ACRBP: variants seen among roughly 807,000 people sequenced by gnomAD.
ACRBP encodes acrosin binding protein, also known as acrosin-binding protein.
In ACRBP, 52 loss-of-function variants were observed where a neutral mutation model predicts 69.0. That is an observed-to-expected ratio of 0.75 (90% confidence interval 0.60 to 0.95). The LOEUF (loss-of-function observed/expected upper bound fraction) is 0.95, where lower values mean the gene tolerates loss of function less well. Among genes scored for constraint, ACRBP ranks in the 40% least tolerant of loss-of-function variants. ACRBP has a pLI of 0.00. For synonymous variants in ACRBP, 267 were observed against 258.9 expected, an observed-to-expected ratio of 1.03 and a Z score of -0.30; for missense variants, 604 against 673.0, an observed-to-expected ratio of 0.90 and a Z score of 1.13.
intron 6 of ACRBP, among the ~76,000 whole-genome samples, chr12:6,641,273 T>C (rs924531102): frequency 1.3e-5 from 2 of 152,190 alleles, no homozygotes; most frequent in Non-Finnish European, 1.5e-5. Flanking sequence ...CAGGAGATCG[T>C]ACTAAGCAGT....
chr12:6,645,171 G>C, intron 4 of ACRBP, 49 bp downstream of exon 4: 1 of 1,421,130 alleles, frequency 7.0e-7, no homozygotes, highest in Non-Finnish European at 9.8e-7. Flanking sequence ...GTGGGCTCTG[G>C]GAGTTGTGGG....
intron 8 of ACRBP, 136 bp from the exon 9 acceptor site, chr12:6,639,173 C>T (rs1949033334): frequency 4.1e-6 from 3 of 728,360 alleles, no homozygotes; most frequent in African/African-American, 1.8e-5. Flanking sequence ...ACAGGCGGCC[C>T]CTCACTCCGC....
intron 8 of ACRBP, among the ~76,000 whole-genome samples, chr12:6,639,814 G>A (rs749825670): frequency 1.3e-5 from 2 of 152,198 alleles, no homozygotes; most frequent in Non-Finnish European, 2.9e-5. Flanking sequence ...GGCAGAGTTG[G>A]GACCAGAACC....
In ACRBP at chr12:6,640,287, C is replaced by A. The variant is rs543415532; in HGVS notation, c.1257+56G>T. On this transcript the variant is annotated intron_variant, in intron 7 of 9. Transcript: ENST00000229243. The surrounding 1 kb of genome is among the most constrained non-coding windows in gnomAD (Gnocchi z 5.3). ...CCTCCCCACCTGCTGGCCACCACCA[C>A]CCCACCCCTGCCACCCAGTTCTGCC... is the stretch of plus-strand genomic sequence containing the variant. 47 of 1,612,478 alleles carry A rather than the reference C, an allele frequency of 2.9e-5. No individual in the cohort carries two copies. Among genetic ancestry groups the A allele is most frequent in the South Asian group, 2.4e-4 (22 of 91,022 alleles).
Position 6,644,503 on chromosome 12 carries a change from G to A in ACRBP, c.578C>T (p.Pro193Leu). ...CACTCCTTGCTCCTGCTTGTGCTCT[G>A]GCGCTTGCTCCTGGCCTCCCAGGGA... ...SLSLGGQEQA[P>L]EHKQEQGVEH... Residue 193 changes from proline to leucine, a missense_variant, in exon 5 of 10, where the codon CCA becomes CTA. Around this residue, in one of 3 missense-constraint regions of ACRBP, gnomAD observed 532 missense variants for 562.9 expected, o/e 0.95. Transcript: ENST00000229243. 1 of 1,613,966 alleles carries A rather than the reference G, an allele frequency of 6.2e-7. No homozygotes were observed. Among genetic ancestry groups the A allele is most frequent in the African/African-American group, 1.3e-5 (1 of 74,946 alleles).
rs747357088 is a variant in ACRBP at position 6,643,669 on chromosome 12, A to C, written c.947T>G (p.Leu316Arg). The C allele has an allele frequency of 2.5e-5, 40 of 1,613,802 alleles. No homozygotes were observed. Among genetic ancestry groups the C allele is most frequent in the Non-Finnish European group, 3.1e-5 (37 of 1,179,848 alleles). ...GGCCTCTGTGTGGGGCAGCTGCAGG[A>C]GGCTGCAAGAAGACAGCACTGAGGG... The part of the protein sequence containing the change: ...SYWRNQNPGS[L>R]LQLPHTEALL... Residue 316 changes from leucine (L) to arginine (R), a missense_variant and splice_region_variant, in exon 6 of 10, where the codon CTC becomes CGC. By Grantham distance (102) the Leu-to-Arg change is moderately radical (BLOSUM62 -2). Transcript: ENST00000229243.
Position 6,643,909 on chromosome 12 carries a change from G to A in ACRBP, c.944+228C>T, listed in dbSNP as rs1271718593. ...GCTAAACAGGGCAGAGACAAGACCA[G>A]AACCCAAGTCTGGTAGCTCCAGGTA... is the stretch of plus-strand genomic sequence containing the variant. On this transcript the variant is annotated intron_variant, in intron 5 of 9. Transcript: ENST00000229243. 3 of 1,044,050 alleles carry A rather than the reference G, an allele frequency of 2.9e-6. No homozygotes were observed. In the South Asian group the frequency reaches 5.3e-5, roughly 18 times the overall value. The allele number at this position is 1,044,050 out of a possible 1,614,324, so 64.7% of individuals were successfully genotyped here. A position where few individuals can be genotyped will look rare whatever the true frequency, so the allele number is the denominator to read the frequency against.
chr12:6,646,277 TCTA>T (rs1351887963), intron 3 of ACRBP, among the ~76,000 whole-genome samples: 1 of 152,118 alleles, frequency 6.6e-6, no homozygotes, highest in Admixed American at 6.6e-5. Flanking sequence ...CAGTCTCTTC[TCTA>T]CTTTTCTTGC....
At chr12:6,639,066 G>A (rs765824351) in intron 8 of ACRBP, 29 bp from the exon 9 acceptor site, 5 of 1,597,488 alleles carry the variant, frequency 3.1e-6, no homozygotes, top group Admixed American at 1.7e-5. Flanking sequence ...AGAGGGAAGA[G>A]GGTATCAGAA....
Position 6,645,258 on chromosome 12 carries a change from G to C in ACRBP, c.437C>G (p.Pro146Arg). ...KEIEASAEVS[P>R]TTMTSPISPH... ...TGAGATGGGGGAGGTCATCGTGGTG[G>C]GTGAGACTTCAGCTGAAGCTTCTAT... The change falls in exon 4 of 10, where the codon CCC becomes CGC. Residue 146 changes from proline to arginine, a missense_variant. Pro to Arg is a moderately radical substitution (Grantham distance 103, BLOSUM62 -2). This residue lies in a region of ACRBP where 532 missense variants were observed against 562.9 expected (regional missense o/e 0.95). Coordinates refer to ENST00000229243, the MANE Select transcript of ACRBP (RefSeq NM_032489.3). 1.2e-6 allele frequency: 2 copies of C among 1,613,784 alleles called. No individual in the cohort carries two copies. Among genetic ancestry groups the C allele is most frequent in the Non-Finnish European group, 1.7e-6 (2 of 1,179,896 alleles).
rs546575477 is a variant in ACRBP, at chr12:6,641,068, G to C, written c.1078-546C>G. Among the ~76,000 whole-genome samples the C allele has an allele frequency of 9.2e-5, 14 of 152,326 alleles. No homozygotes were observed. The East Asian group carries it at 2.7e-3, about 29-fold the overall frequency. On this transcript the variant is annotated intron_variant, in intron 6 of 9. Transcript: ENST00000229243. Reference sequence around the variant, plus strand: ...TGACAAGGAAACTGACTCTCAGTGAGGTTGAGTAAGTTGCTCAAAGCCACT... The same window carrying C: ...TGACAAGGAAACTGACTCTCAGTGACGTTGAGTAAGTTGCTCAAAGCCACT...
At chr12:6,639,927 A>G (rs2365087) in intron 8 of ACRBP, 133 bp downstream of exon 8, 1,086,524 of 1,088,830 alleles carry the variant, frequency 1, 542,156 homozygotes, top group East Asian at 1. Flanking sequence ...GAGGCAGGAG[A>G]TTCAGTGAGG....
At chr12:6,643,815 AAATCGCCTC>A (rs1247220514) in intron 5 of ACRBP, 144 bp from the exon 6 acceptor site, 1 of 1,217,320 alleles carries the variant, frequency 8.2e-7, no homozygotes, top group Non-Finnish European at 1.1e-6. Context: ...GCCTCTGGAC[AAATCGCCTC>A]ATTTTTCAAA....
In ACRBP at chr12:6,646,574, G is replaced by C; in HGVS notation, c.266C>G (p.Ala89Gly). ...GGCATAAGGGAGGTTGGAGCAGACA[G>C]CACCTGAGAAAGGGCAGGGGTGGAG... ...YENHGLVPDG[A>G]VCSNLPYASW... is the part of the protein sequence containing the mutation. Residue 89 changes from alanine (A) to glycine (G), a missense_variant, in exon 3 of 10, where the codon GCT (alanine) becomes GGT (glycine). This residue lies in a region of ACRBP where 532 missense variants were observed against 562.9 expected (regional missense o/e 0.95). Transcript: ENST00000229243. 6.2e-7 allele frequency: 1 copy of C among 1,614,054 alleles called. No homozygotes were observed. Among genetic ancestry groups the C allele is most frequent in the South Asian group, 1.1e-5 (1 of 91,084 alleles).
In ACRBP at chr12:6,647,028, A is replaced by C; in HGVS notation, c.44-16T>G. The stretch of plus-strand genomic sequence containing the variant: ...AGGAGCAGCACTGCGGAGCGGGCGA[A>C]CGGATGATGGAAGGACCGAACCCCA... On this transcript the variant is annotated splice_polypyrimidine_tract_variant and intron_variant, in intron 1 of 9. Coordinates refer to ENST00000229243, the MANE Select transcript of ACRBP (RefSeq NM_032489.3). 1.2e-6 allele frequency: 2 copies of C among 1,604,708 alleles called. No individual in the cohort carries two copies.
intron 3 of ACRBP, among the ~76,000 whole-genome samples, chr12:6,645,881 C>T (rs1196297032): frequency 6.6e-6 from 1 of 151,802 alleles, no homozygotes; most frequent in East Asian, 1.9e-4. Context: ...AGGATGGTCT[C>T]GATCTCCTGA....
chr12:6,646,375 AAGG>A, intron 3 of ACRBP, 105 bp downstream of exon 3: 2 of 944,374 alleles, frequency 2.1e-6, no homozygotes, highest in South Asian at 1.3e-5. Context: ...AATGGCAGGG[AAGG>A]AGGAGCTAAG....
Position 6,644,267 on chromosome 12 carries a change from C to G in ACRBP, c.814G>C (p.Val272Leu), listed in dbSNP as rs769527950. Reference protein sequence around the residue: ...SSNPSSFAPRVREVESTPMIM... With the variant: ...SSNPSSFAPRLREVESTPMIM... ...ATAGGAGTAGACTCTACTTCTCGTA[C>G]CCGGGGAGCAAAAGAGGAAGGGTTA... The change falls in exon 5 of 10, where the codon GTA (valine) becomes CTA (leucine). Residue 272 changes from valine (V) to leucine (L), a missense_variant. By Grantham distance (32) the Val-to-Leu change is conservative. This residue lies in a region of ACRBP where 532 missense variants were observed against 562.9 expected (regional missense o/e 0.95). Transcript: ENST00000229243. The G allele has an allele frequency of 6.2e-7, 1 of 1,614,130 alleles. No individual in the cohort carries two copies. The highest frequency in any genetic ancestry group is 1.1e-5 in the South Asian group (1 of 91,084).
chr12:6,647,393 G>C lies in ACRBP; in HGVS notation c.-27C>G, dbSNP rs369051372. On this transcript the variant is annotated 5_prime_UTR_variant, in exon 1 of 10. Coordinates refer to ENST00000229243, the MANE Select transcript of ACRBP (RefSeq NM_032489.3). ...GCCGGAGAAGATCCGCCCGCGTCCC[G>C]TGGACACAAGCCGCCTCTAACGGGC... is the stretch of plus-strand genomic sequence containing the variant. 1.3e-6 allele frequency: 2 copies of C among 1,508,676 alleles called. No homozygotes were observed. The highest frequency in any genetic ancestry group is 1.3e-5 in the South Asian group (1 of 79,878). 93.5% of individuals were successfully genotyped at this position (1,508,676 alleles called of 1,614,324 possible). A position where few individuals can be genotyped will look rare whatever the true frequency, so the allele number is the denominator to read the frequency against.
Sources: gnomAD v4.1 joint callset for allele counts (sites outside exome capture counted in the v4.1 genomes callset) on GRCh38, gnomAD v4.1.1 for gene constraint, gnomAD v4.1.1 regional missense constraint, Gnocchi (gnomAD v3.1) non-coding constraint, MANE v1.5 for transcripts, NCBI Gene and HGNC (gene_info 2026-07-23, HGNC 2026-07-21) for gene names.